Variants in FREM3 observed in about 807,000 individuals in gnomAD.
The protein encoded by FREM3 is FRAS1 related extracellular matrix 3.
Under a neutral mutation model 129.1 loss-of-function variants are expected in FREM3, and 105 were observed. The ratio of observed to expected loss-of-function variants is 0.81; its 90% CI spans 0.69 to 0.96. FREM3 has a LOEUF of 0.96. Ranked by LOEUF, FREM3 falls within the 40% of genes least tolerant of loss-of-function variation. The pLI is 0.00. For synonymous variants in FREM3, 1,014 were observed against 1,044.9 expected, an observed-to-expected ratio of 0.97 and a Z score of 0.57; for missense variants, 2,593 against 2,666.3, an observed-to-expected ratio of 0.97 and a Z score of 0.61.
At chr4:143,618,589 C>A (rs1333424645) in intron 5 of FREM3, among the ~76,000 whole-genome samples, 1 of 152,012 alleles carries the variant, frequency 6.6e-6, no homozygotes, top group African/African-American at 2.4e-5. Context: ...TTACTTATGG[C>A]TTATGGTAAA....
rs1738061157 is a variant in FREM3 at position 143,577,545 on chromosome 4, A to C, written c.*66T>G. 7.0e-7 allele frequency: 1 copy of C among 1,432,748 alleles called. No individual in the cohort carries two copies. The highest frequency in any genetic ancestry group is 9.3e-7 in the Non-Finnish European group (1 of 1,073,762). The allele number at this position is 1,432,748 out of a possible 1,614,324, so 88.8% of individuals were successfully genotyped here. ...TATCCCAGAATTGCTAAGATCTATA[A>C]ACAGTAGAGTTTCATTCTGTTGTTA... is the stretch of plus-strand genomic sequence containing the variant. On this transcript the variant is annotated 3_prime_UTR_variant, in exon 8 of 8. Coordinates refer to ENST00000329798, the MANE Select transcript of FREM3 (RefSeq NM_001168235.2).
chr4:143,608,312 T>C (rs1017566365), intron 6 of FREM3, among the ~76,000 whole-genome samples: 6 of 152,150 alleles, frequency 3.9e-5, no homozygotes, highest in Admixed American at 3.3e-4. Flanking sequence ...ACTAATATTT[T>C]GGTTAAGAAG....
intron 2 of FREM3, among the ~76,000 whole-genome samples, chr4:143,672,173 T>C (rs146044158): frequency 6.6e-5 from 10 of 152,304 alleles, no homozygotes; most frequent in Non-Finnish European, 1.3e-4. Context: ...AATTGCAGAC[T>C]TAATCCTTAT....
At chr4:143,619,438 C>A (rs1187290849) in intron 5 of FREM3, among the ~76,000 whole-genome samples, 1 of 152,138 alleles carries the variant, frequency 6.6e-6, no homozygotes. Context: ...TGTGCGCAAG[C>A]AGAATGAACC....
At chr4:143,626,874 C>T (rs192035631) in intron 3 of FREM3, among the ~76,000 whole-genome samples, 108 of 152,150 alleles carry the variant, frequency 7.1e-4, no homozygotes, top group African/African-American at 2.5e-3. Flanking sequence ...TCCTGCATGT[C>T]GAGGAAACTC....
At chr4:143,693,013 A>C in intron 2 of FREM3, 100 bp downstream of exon 2, 2 of 484,352 alleles carry the variant, frequency 4.1e-6, no homozygotes, top group Admixed American at 3.9e-5. Flanking sequence ...ACTTGCTTAC[A>C]TGATGCCTAT....
At chr4:143,654,894 C>A (rs1739573602) in intron 2 of FREM3, among the ~76,000 whole-genome samples, 1 of 152,168 alleles carries the variant, frequency 6.6e-6, no homozygotes, top group African/African-American at 2.4e-5. Context: ...AAAGTAAGAG[C>A]ATGTTGGGCC....
At chr4:143,685,082 G>A (rs1018110496) in intron 2 of FREM3, among the ~76,000 whole-genome samples, 1 of 152,054 alleles carries the variant, frequency 6.6e-6, no homozygotes, top group Non-Finnish European at 1.5e-5. Context: ...ACATTTTTGG[G>A]GGAATAATCA....
intron 2 of FREM3, among the ~76,000 whole-genome samples, chr4:143,660,006 T>C (rs62339308): frequency 6.8e-5 from 10 of 147,382 alleles, no homozygotes; most frequent in East Asian, 2.0e-4. Context: ...GAGTAGGTTG[T>C]GAAAATTTTC....
intron 4 of FREM3, among the ~76,000 whole-genome samples, chr4:143,621,963 G>A (rs1214784921): frequency 6.6e-6 from 1 of 152,090 alleles, no homozygotes; most frequent in Non-Finnish European, 1.5e-5. Flanking sequence ...AGTGTGAAGT[G>A]GAGAACTGCA....
rs748790481 is a variant in FREM3 at position 143,695,596 on chromosome 4, C to G, written c.5080G>C (p.Asp1694His). ...TACTTCAGAAGCCTGTGGGGACTGT[C>G]CTGATCTTCTGCCTTCAGAGACTTG... ...TSKSLKAEDQ[D>H]SPHRLLKYKV... Residue 1694 changes from aspartate to histidine, a missense_variant, in exon 1 of 8, where the codon GAC becomes CAC. Asp to His is a moderately conservative substitution (Grantham distance 81, BLOSUM62 -1). Transcript: ENST00000329798. 4.7e-5 allele frequency: 72 copies of G among 1,537,234 alleles called. No individual in the cohort carries two copies. Among genetic ancestry groups the G allele is most frequent in the Non-Finnish European group, 5.8e-5 (67 of 1,146,954 alleles).
intron 2 of FREM3, among the ~76,000 whole-genome samples, chr4:143,653,625 G>C (rs935884793): frequency 6.6e-6 from 1 of 152,164 alleles, no homozygotes; most frequent in East Asian, 1.9e-4. Flanking sequence ...CAAGTCACAG[G>C]TCCCACATAA....
At position 143,577,512 on chromosome 4, in the gene FREM3, A is replaced by G; in HGVS notation, c.*99T>C. ...AATATAACACCAATGACAGTACAATATCACTGATATCCCAGAATTGCTAAG... is the reference window on the plus strand; with the variant it reads ...AATATAACACCAATGACAGTACAATGTCACTGATATCCCAGAATTGCTAAG... On this transcript the variant is annotated 3_prime_UTR_variant, in exon 8 of 8. Transcript: ENST00000329798. 8.8e-7 allele frequency: 1 copy of G among 1,133,604 alleles called. No homozygotes were observed. The highest frequency in any genetic ancestry group is 1.2e-6 in the Non-Finnish European group (1 of 815,260). The allele number at this position is 1,133,604 out of a possible 1,614,324, so 70.2% of individuals were successfully genotyped here.
intron 2 of FREM3, among the ~76,000 whole-genome samples, chr4:143,653,646 C>T (rs755512900): frequency 8.5e-5 from 13 of 152,248 alleles, no homozygotes; most frequent in Middle Eastern, 3.4e-3. Flanking sequence ...CACTCAAGGA[C>T]GAGAGGTTAT....
At chr4:143,691,278 G>A (rs538583505) in intron 2 of FREM3, among the ~76,000 whole-genome samples, 2 of 152,058 alleles carry the variant, frequency 1.3e-5, no homozygotes, top group Non-Finnish European at 2.9e-5. Context: ...TCTAACTTTT[G>A]TCCACGGCTT....
chr4:143,637,644 C>T (rs1368604884), intron 2 of FREM3, among the ~76,000 whole-genome samples: 1 of 152,078 alleles, frequency 6.6e-6, no homozygotes, highest in Admixed American at 6.6e-5. Flanking sequence ...GAGACTGCAA[C>T]ATTACAGGCT....
rs1393328536 is a variant in FREM3, at chr4:143,700,047, A to G, written c.629T>C (p.Leu210Pro). Residue 210 changes from leucine to proline, a missense_variant, in exon 1 of 8, where the codon CTT (leucine) becomes CCT (proline). By Grantham distance (98) the Leu-to-Pro change is moderately conservative (BLOSUM62 -3). Coordinates refer to ENST00000329798, the MANE Select transcript of FREM3 (RefSeq NM_001168235.2). ...GCCGTCCTCGTGAGGAAGTGGGGTA[A>G]GCCGGCACCTGCGGGTGGCCGTGGC... ...SGATATRRCR[L>P]TPLPHEDGPL... 6.6e-7 allele frequency: 1 copy of G among 1,520,146 alleles called. No individual in the cohort carries two copies. Among genetic ancestry groups the G allele is most frequent in the Non-Finnish European group, 8.8e-7 (1 of 1,136,032 alleles). The allele number at this position is 1,520,146 out of a possible 1,614,324, so 94.2% of individuals were successfully genotyped here. A position where few individuals can be genotyped will look rare whatever the true frequency, so the allele number is the denominator to read the frequency against.
chr4:143,665,056 C>A (rs991076531), intron 2 of FREM3, among the ~76,000 whole-genome samples: 14 of 152,152 alleles, frequency 9.2e-5, no homozygotes, highest in Non-Finnish European at 1.5e-4. Flanking sequence ...GAGGCAATGC[C>A]TCACCCTGCT....
intron 4 of FREM3, among the ~76,000 whole-genome samples, chr4:143,623,493 TCCC>T (rs35964270): frequency 0.13 from 9,250 of 68,694 alleles, 1,278 homozygotes; most frequent in African/African-American, 0.35. Context: ...TGAATACTAA[TCCC>T]CCCCCCCCCC....
Sources: allele counts gnomAD v4.1 joint callset (sites outside exome capture counted in the v4.1 genomes callset), GRCh38; gene constraint gnomAD v4.1.1; transcripts MANE v1.5; gene names NCBI Gene and HGNC (gene_info 2026-07-23, HGNC 2026-07-21).